The following SLC39A11 variants were observed in gnomAD, a reference collection of about 807,000 sequenced individuals.
SLC39A11 encodes the protein zinc transporter ZIP11.
A neutral mutation model predicts 36.1 loss-of-function variants in SLC39A11; 33 were observed. The observed-to-expected ratio is 0.91, with a 90% CI of 0.69 to 1.22. The LOEUF (loss-of-function observed/expected upper bound fraction) is 1.22, where lower values mean the gene tolerates loss of function less well. SLC39A11 is among the 50% of genes most tolerant of loss of function. SLC39A11 has a pLI of 0.00. For missense variants in SLC39A11, 432 were observed against 430.3 expected (o/e 1.00, Z -0.03); for synonymous variants, 166 against 170.3 (o/e 0.97, Z 0.20).
At chr17:72,966,245 G>C (rs1039868958) in intron 4 of SLC39A11, among the ~76,000 whole-genome samples, 3 of 152,188 alleles carry the variant, frequency 2.0e-5, no homozygotes, top group Non-Finnish European at 2.9e-5. Context: ...GTGGGTTCCA[G>C]AGAGGAAGAA....
In SLC39A11 at chr17:73,084,842, C is replaced by A; in HGVS notation, c.113G>T (p.Arg38Leu). The change falls in exon 3 of 10, where the codon CGG (arginine) becomes CTG (leucine). Residue 38 changes from arginine (R) to leucine (L), a missense_variant. By Grantham distance (102) the Arg-to-Leu change is moderately radical. Transcript: ENST00000255559. ...LVFVFSSGQRRILDGSLGFAA... is the reference protein window; with the variant it reads ...LVFVFSSGQRLILDGSLGFAA... ...AAAGCCAAGACTTCCATCTAAGATC[C>A]GCCTCTGAAAATCAAAACAAGATGT... is the stretch of plus-strand genomic sequence containing the variant. The A allele has an allele frequency of 6.2e-7, 1 of 1,614,036 alleles. No individual in the cohort carries two copies. The highest frequency in any genetic ancestry group is 8.5e-7 in the Non-Finnish European group (1 of 1,179,992).
At chr17:73,013,456 C>T (rs1271462447) in intron 4 of SLC39A11, among the ~76,000 whole-genome samples, 1 of 152,228 alleles carries the variant, frequency 6.6e-6, no homozygotes, top group African/African-American at 2.4e-5. Flanking sequence ...TGTTCAATCA[C>T]AACCATCACA....
At chr17:73,010,817 G>C (rs907408411) in intron 4 of SLC39A11, among the ~76,000 whole-genome samples, 1 of 152,208 alleles carries the variant, frequency 6.6e-6, no homozygotes, top group Non-Finnish European at 1.5e-5. Flanking sequence ...GGCCAAAAAA[G>C]CGGTCAATTG....
intron 5 of SLC39A11, among the ~76,000 whole-genome samples, chr17:72,896,987 A>G (rs955574365): frequency 7.6e-6 from 1 of 131,580 alleles, no homozygotes; most frequent in African/African-American, 2.9e-5. Context: ...CAGGAGGTGG[A>G]GGTTGCAGTG....
intron 6 of SLC39A11, among the ~76,000 whole-genome samples, chr17:72,756,679 T>C (rs1021219306): frequency 1.3e-5 from 2 of 152,220 alleles, no homozygotes; most frequent in East Asian, 1.9e-4. Flanking sequence ...TTTTACAAGA[T>C]AGAAAGAATT....
At chr17:72,978,173 T>C (rs2088004152) in intron 4 of SLC39A11, among the ~76,000 whole-genome samples, 2 of 152,140 alleles carry the variant, frequency 1.3e-5, no homozygotes, top group South Asian at 4.1e-4. Flanking sequence ...CACAGCCCTC[T>C]TCCCTGCCCT....
chr17:72,676,425 A>T (rs1203468571), intron 7 of SLC39A11, among the ~76,000 whole-genome samples: 2 of 152,142 alleles, frequency 1.3e-5, no homozygotes, highest in Non-Finnish European at 2.9e-5. Flanking sequence ...GATGATCACA[A>T]CATTTCAATA....
intron 5 of SLC39A11, among the ~76,000 whole-genome samples, chr17:72,855,326 TG>T (rs1567829852): frequency 6.6e-6 from 1 of 152,184 alleles, no homozygotes; most frequent in African/African-American, 2.4e-5. Flanking sequence ...CTAAATCTAA[TG>T]GGCCCAATGA....
At chr17:72,854,622 G>C (rs545960870) in intron 5 of SLC39A11, among the ~76,000 whole-genome samples, 1 of 152,248 alleles carries the variant, frequency 6.6e-6, no homozygotes. Context: ...TTGGGAAGGA[G>C]AATGAAGATT....
In SLC39A11 at chr17:72,895,580, CA is replaced by C. The variant is rs112611912; in HGVS notation, c.431-45777del. ...GGCAACAAGAGCAAAAACTCTGTCT[CA>C]AAAAAAAAAAAAAATCCCACTAAAT... On this transcript the variant is annotated intron_variant, in intron 5 of 9. Coordinates refer to ENST00000255559, the MANE Select transcript of SLC39A11 (RefSeq NM_139177.4). Among the ~76,000 whole-genome samples the C allele has an allele frequency of 6.5e-3, 803 of 124,252 alleles. 2 individuals are homozygous for C. Among genetic ancestry groups the C allele is most frequent in the Admixed American group, 0.022 (269 of 12,130 alleles). 81.5% of individuals were successfully genotyped at this position (124,252 alleles called of 152,430 possible).
At chr17:73,025,721 C>T (rs1406567094) in intron 4 of SLC39A11, among the ~76,000 whole-genome samples, 1 of 152,040 alleles carries the variant, frequency 6.6e-6, no homozygotes, top group Non-Finnish European at 1.5e-5. Flanking sequence ...GTTCCTACTG[C>T]TATAAAGTCG....
At chr17:72,836,845 C>G (rs1206246616) in intron 6 of SLC39A11, among the ~76,000 whole-genome samples, 1 of 152,268 alleles carries the variant, frequency 6.6e-6, no homozygotes, top group South Asian at 2.1e-4. Context: ...TCCTCATTAA[C>G]TGAGCCTGAG....
At chr17:72,792,317 C>T (rs556247781) in intron 6 of SLC39A11, among the ~76,000 whole-genome samples, 3 of 152,274 alleles carry the variant, frequency 2.0e-5, no homozygotes, top group East Asian at 3.9e-4. Flanking sequence ...ATGTGGCTGG[C>T]TTGTTTGAAG....
At chr17:72,827,116 AATGG>A (rs1243399704) in intron 6 of SLC39A11, among the ~76,000 whole-genome samples, 4 of 152,248 alleles carry the variant, frequency 2.6e-5, no homozygotes, top group African/African-American at 4.8e-5. Context: ...TTAACTGATG[AATGG>A]ATGAACAAAA....
chr17:72,966,210 G>A (rs2086961361), intron 4 of SLC39A11, among the ~76,000 whole-genome samples: 1 of 152,212 alleles, frequency 6.6e-6, no homozygotes, highest in African/African-American at 2.4e-5. Context: ...TCAGTCAGAG[G>A]TTCCCTGTGG....
intron 6 of SLC39A11, among the ~76,000 whole-genome samples, chr17:72,776,610 G>GAAAAAAAAA (rs34044701): frequency 7.5e-5 from 9 of 119,834 alleles, no homozygotes; most frequent in East Asian, 2.5e-4. Flanking sequence ...ACTTTGCATG[G>GAAAAAAAAA]AAAAAAAAAA....
chr17:72,933,441 T>C (rs577947547), intron 5 of SLC39A11, among the ~76,000 whole-genome samples: 1 of 152,284 alleles, frequency 6.6e-6, no homozygotes, highest in South Asian at 2.1e-4. Context: ...GTTCATAAAA[T>C]GGAAAACTCT....
At chr17:72,758,404 C>T (rs937514701) in intron 6 of SLC39A11, among the ~76,000 whole-genome samples, 5 of 152,196 alleles carry the variant, frequency 3.3e-5, no homozygotes, top group South Asian at 4.1e-4. Flanking sequence ...CCTCTTTACC[C>T]GTTTTAACAG....
At chr17:72,790,564 C>T (rs2076668543) in intron 6 of SLC39A11, among the ~76,000 whole-genome samples, 1 of 151,002 alleles carries the variant, frequency 6.6e-6, no homozygotes, top group Non-Finnish European at 1.5e-5. Flanking sequence ...CAGAGCCTTG[C>T]TTTGTCGCCC....
Sources: allele counts gnomAD v4.1 joint callset (sites outside exome capture counted in the v4.1 genomes callset), GRCh38; gene constraint gnomAD v4.1.1; transcripts MANE v1.5; gene names NCBI Gene and HGNC (gene_info 2026-07-23, HGNC 2026-07-21).